VPS13C: variants seen among roughly 807,000 people sequenced by gnomAD.
VPS13C encodes the protein intermembrane lipid transfer protein VPS13C.
Under a neutral mutation model 456.8 loss-of-function variants are expected in VPS13C, and 358 were observed. The observed-to-expected ratio is 0.78, with a 90% confidence interval of 0.72 to 0.86. The LOEUF is 0.86. Among genes scored for constraint, VPS13C ranks in the 40% least tolerant of loss-of-function variants. The pLI, the probability that VPS13C is intolerant of heterozygous loss-of-function variation, is 0.00. For missense variants in VPS13C, 4,818 were observed against 4,385.4 expected, an observed-to-expected ratio of 1.10 and a Z score of -2.79; for synonymous variants, 1,578 against 1,486.7, an observed-to-expected ratio of 1.06 and a Z score of -1.41.
intron 5 of VPS13C, among the ~76,000 whole-genome samples, chr15:62,032,333 A>C (rs1690738300): frequency 6.6e-6 from 1 of 151,804 alleles, no homozygotes; most frequent in African/African-American, 2.4e-5. Context: ...ACAAATAAAG[A>C]AAACTGTTTC....
At chr15:62,049,200 T>G (rs557108012) in intron 1 of VPS13C, among the ~76,000 whole-genome samples, 1 of 152,156 alleles carries the variant, frequency 6.6e-6, no homozygotes, top group African/African-American at 2.4e-5. Flanking sequence ...CTGAATGGTA[T>G]TGCCTAGGTT....
At chr15:61,900,081 C>G (rs572486663) in intron 66 of VPS13C, among the ~76,000 whole-genome samples, 1 of 152,148 alleles carries the variant, frequency 6.6e-6, no homozygotes, top group African/African-American at 2.4e-5. Context: ...GCTAAAAACT[C>G]TCAATAAATT....
intron 53 of VPS13C, among the ~76,000 whole-genome samples, chr15:61,924,057 G>A (rs982143513): frequency 2.0e-5 from 3 of 150,784 alleles, no homozygotes; most frequent in Non-Finnish European, 4.4e-5. Context: ...TAGTAGAGAC[G>A]GGGTTTCACC....
chr15:61,897,179 C>G (rs1166462357), intron 66 of VPS13C, among the ~76,000 whole-genome samples: 1 of 152,184 alleles, frequency 6.6e-6, no homozygotes, highest in Non-Finnish European at 1.5e-5. Context: ...ACTGGAAACT[C>G]TAAAGAGCGG....
At chr15:61,895,791 C>T (rs1218049003) in intron 66 of VPS13C, among the ~76,000 whole-genome samples, 1 of 152,012 alleles carries the variant, frequency 6.6e-6, no homozygotes, top group East Asian at 1.9e-4. Context: ...ACAGCAGATA[C>T]TAGAGGCTGG....
In VPS13C at chr15:61,867,790, GA is replaced by G. The variant is rs940413352; in HGVS notation, c.10863+868del. The G allele has an allele frequency of 6.6e-5, 99 of 1,506,842 alleles. No individual in the cohort carries two copies. Among genetic ancestry groups the G allele is most frequent in the Non-Finnish European group, 8.0e-5 (90 of 1,129,864 alleles). The allele number at this position is 1,506,842 out of a possible 1,614,324, so 93.3% of individuals were successfully genotyped here. On this transcript the variant is annotated intron_variant, in intron 81 of 84. Transcript: ENST00000644861. The surrounding 1 kb of genome is among the most constrained non-coding windows in gnomAD (Gnocchi z 5.0). ...TATTTGTAGTCAATCCCACTACTATGAAAAGTTCAGATGGAGGTGAGAGTTT... is the reference window on the plus strand; with the variant it reads ...TATTTGTAGTCAATCCCACTACTATGAAAGTTCAGATGGAGGTGAGAGTTT...
chr15:61,978,725 G>A lies in VPS13C; in HGVS notation c.2191C>T (p.Gln731Ter), dbSNP rs778530611. The A allele has an allele frequency of 6.2e-7, 1 of 1,606,908 alleles. No homozygotes were observed. Among genetic ancestry groups the A allele is most frequent in the Admixed American group, 1.7e-5 (1 of 58,824 alleles). Residue 731 changes from glutamine (Q) to a stop codon, truncating the protein, a stop_gained, in exon 23 of 85, where the codon CAG becomes TAG. Transcript: ENST00000644861. LOFTEE classifies it high-confidence loss of function. ...FQLNSKDQGL[Q>*]KTTNSSLEEI... ...TCCAGAGATGAATTAGTAGTCTTCT[G>A]TAAACCTTGATCTTTACTGTTGAGC... is the stretch of plus-strand genomic sequence containing the variant.
intron 35 of VPS13C, 123 bp downstream of exon 35, chr15:61,961,466 A>T (rs1401903774): frequency 4.3e-6 from 4 of 932,898 alleles, no homozygotes; most frequent in Admixed American, 3.1e-5. Flanking sequence ...CAATAAAAAA[A>T]ACTGTTCCGT....
intron 1 of VPS13C, among the ~76,000 whole-genome samples, chr15:62,045,358 C>T (rs766090732): frequency 6.6e-6 from 1 of 151,972 alleles, no homozygotes; most frequent in Non-Finnish European, 1.5e-5. Flanking sequence ...TAGAAGCGTA[C>T]ACAAGATGAA....
intron 1 of VPS13C, among the ~76,000 whole-genome samples, chr15:62,054,747 A>G (rs189578091): frequency 0.011 from 1,696 of 152,190 alleles, 13 homozygotes; most frequent in South Asian, 0.029. Context: ...AAAAAAAAAA[A>G]GAAGAGGAAG....
chr15:61,884,315 G>A (rs1896106586), intron 67 of VPS13C, 46 bp from the exon 68 acceptor site: 1 of 1,577,074 alleles, frequency 6.3e-7, no homozygotes, highest in South Asian at 1.2e-5. Context: ...ATGTATTTAG[G>A]TCTGTGGAAC....
intron 1 of VPS13C, among the ~76,000 whole-genome samples, chr15:62,057,318 T>A (rs10519153): frequency 0.59 from 89,276 of 152,134 alleles, 26,429 homozygotes; most frequent in Admixed American, 0.64. Context: ...AACATCATGG[T>A]TATCATAAAA....
Position 62,042,873 on chromosome 15 carries a change from A to C in VPS13C, c.144+1339T>G, listed in dbSNP as rs528676366. ...TGGCACATGTATACATAGGTAACAA[A>C]CCTGCACATTGGGCACATGTACCCT... On this transcript the variant is annotated intron_variant, in intron 2 of 84. Coordinates refer to ENST00000644861, the MANE Select transcript of VPS13C (RefSeq NM_020821.3). Among the ~76,000 whole-genome samples, 4 of 151,740 alleles carry C rather than the reference A, an allele frequency of 2.6e-5. No homozygotes were observed. In the South Asian group the frequency reaches 8.3e-4, roughly 32 times the overall value.
chr15:61,894,652 T>C (rs752727480), intron 66 of VPS13C, among the ~76,000 whole-genome samples: 1 of 152,118 alleles, frequency 6.6e-6, no homozygotes, highest in Non-Finnish European at 1.5e-5. Flanking sequence ...AAAGTCACTA[T>C]ATAATGATAA....
intron 49 of VPS13C, among the ~76,000 whole-genome samples, chr15:61,933,135 C>T (rs191837616): frequency 3.7e-4 from 57 of 152,168 alleles, no homozygotes; most frequent in African/African-American, 1.3e-3. Flanking sequence ...CAAAGAAAAA[C>T]CTGACAGTAC....
At chr15:62,050,339 G>A (rs2048575267) in intron 1 of VPS13C, among the ~76,000 whole-genome samples, 1 of 152,188 alleles carries the variant, frequency 6.6e-6, no homozygotes, top group South Asian at 2.1e-4. Context: ...TGGACTGACA[G>A]GCCCATGGGA....
chr15:61,872,106 C>A (rs942728475), intron 78 of VPS13C, 72 bp from the exon 79 acceptor site: 1 of 1,272,800 alleles, frequency 7.9e-7, no homozygotes, highest in South Asian at 1.3e-5. Flanking sequence ...CACTAGAGGT[C>A]TCTACAGACA....
At chr15:62,023,949 C>A in intron 6 of VPS13C, 104 bp from the exon 7 acceptor site, 1 of 889,432 alleles carries the variant, frequency 1.1e-6, no homozygotes, top group Non-Finnish European at 1.7e-6. Context: ...CAAATTTTGG[C>A]ACAACTCACC....
At chr15:61,909,927 T>C (rs982750377) in intron 64 of VPS13C, among the ~76,000 whole-genome samples, 1 of 125,350 alleles carries the variant, frequency 8.0e-6, no homozygotes, top group African/African-American at 3.1e-5. Context: ...AATTGAACAA[T>C]GAGAACACTT....
Sources: allele counts gnomAD v4.1 joint callset (sites outside exome capture counted in the v4.1 genomes callset), GRCh38; gene constraint gnomAD v4.1.1; non-coding constraint Gnocchi (gnomAD v3.1); transcripts MANE v1.5; gene names NCBI Gene and HGNC (gene_info 2026-07-23, HGNC 2026-07-21).